Variants in MED13 observed in about 807,000 individuals in gnomAD.
MED13 encodes the protein mediator complex subunit 13, also known as mediator of RNA polymerase II transcription subunit 13.
MED13 carries 23 observed loss-of-function variants against 225.2 expected under a neutral mutation model. The observed-to-expected ratio is 0.10, with a 90% CI of 0.07 to 0.14. The LOEUF is 0.14. Ranked by LOEUF, MED13 falls within the 10% of genes least tolerant of loss-of-function variation. The probability of loss-of-function intolerance (pLI) is 1.00; values close to 1 mark genes in which losing one functional copy is unlikely to be tolerated. For synonymous variants in MED13, 942 were observed against 889.2 expected (o/e 1.06, Z -1.06); for missense variants, 2,197 against 2,594.5 (o/e 0.85, Z 3.33).
At chr17:62,062,942 C>A (rs557288271) in intron 2 of MED13, 125 bp downstream of exon 2, 7 of 628,258 alleles carry the variant, frequency 1.1e-5, no homozygotes, top group African/African-American at 1.8e-5. Context: ...AACAATGAAG[C>A]TGAATTTTTA....
In MED13 at chr17:61,945,477, T is replaced by C. The variant is rs2079845462; in HGVS notation, c.*991A>G. 6.6e-6 allele frequency: 1 copy of C among 152,638 alleles called. No individual in the cohort carries two copies. The highest frequency in any genetic ancestry group is 1.5e-5 in the Non-Finnish European group (1 of 68,040). 9.5% of individuals were successfully genotyped at this position (152,638 alleles called of 1,614,324 possible). A position where few individuals can be genotyped will look rare whatever the true frequency, so the allele number is the denominator to read the frequency against. On this transcript the variant is annotated 3_prime_UTR_variant, in exon 30 of 30. Transcript: ENST00000397786. ...TTAAACACTAAAATTAGTTTAAGCA[T>C]TCAGTAGCAAATGGTTTTTCTTGTA... is the stretch of plus-strand genomic sequence containing the variant.
At chr17:62,021,428 C>G (rs866852854) in intron 8 of MED13, among the ~76,000 whole-genome samples, 1 of 142,842 alleles carries the variant, frequency 7.0e-6, no homozygotes, top group African/African-American at 2.6e-5. Flanking sequence ...CTGACCCCCC[C>G]ACCTCCCTCC....
At chr17:62,006,473 C>G (rs1317689995) in intron 9 of MED13, 1 of 152,150 alleles carries the variant, frequency 6.6e-6, no homozygotes, top group Non-Finnish European at 1.5e-5. Context: ...GCCTTCCCTT[C>G]CAAAAATTCC....
intron 20 of MED13, 73 bp downstream of exon 20, chr17:61,964,931 GTC>G (rs2080041817): frequency 7.2e-7 from 1 of 1,380,920 alleles, no homozygotes; most frequent in East Asian, 2.5e-5. Context: ...GTGAGACTGT[GTC>G]TCAAGAAAAA....
At chr17:61,951,545 C>T (rs1054787420) in intron 27 of MED13, among the ~76,000 whole-genome samples, 6 of 151,860 alleles carry the variant, frequency 4.0e-5, no homozygotes, top group African/African-American at 1.5e-4. Context: ...TGCATGAAAA[C>T]GTTCATTACA....
intron 9 of MED13, 29 bp from the exon 10 acceptor site, chr17:61,995,394 T>C (rs2080338640): frequency 1.3e-6 from 2 of 1,514,694 alleles, no homozygotes. Context: ...AAAAATTAAT[T>C]ATCCACATAA....
At chr17:61,969,244 A>G (rs929815511) in intron 17 of MED13, among the ~76,000 whole-genome samples, 12 of 152,136 alleles carry the variant, frequency 7.9e-5, no homozygotes, top group African/African-American at 2.9e-4. Context: ...AATCCCAGCT[A>G]CTCAGGAGGC....
At position 61,961,750 on chromosome 17, in the gene MED13, A is replaced by C. The variant is rs769011770; in HGVS notation, c.5094T>G (p.Pro1698=). The change falls in exon 22 of 30, where the codon CCT becomes CCG. Residue 1698 remains proline (P), a synonymous_variant. Coordinates refer to ENST00000397786, the MANE Select transcript of MED13 (RefSeq NM_005121.3). ...QIIPCQYLLQ[P]VKHEDREIYP... is the part of the protein sequence containing the mutation. ...AGATTTCTCTATCTTCATGCTTCACAGGTTGCAACAGGTACTGACAAGGAA... is the reference window on the plus strand; with the variant it reads ...AGATTTCTCTATCTTCATGCTTCACCGGTTGCAACAGGTACTGACAAGGAA... 3 of 1,613,880 alleles carry C rather than the reference A, an allele frequency of 1.9e-6. No homozygotes were observed. Among genetic ancestry groups the C allele is most frequent in the Non-Finnish European group, 2.5e-6 (3 of 1,179,938 alleles).
chr17:62,008,439 G>A (rs1323535253), intron 9 of MED13, among the ~76,000 whole-genome samples: 1 of 150,288 alleles, frequency 6.7e-6, no homozygotes, highest in East Asian at 2.0e-4. Context: ...GCTAAGAGAA[G>A]ACCTTAAAAG....
At chr17:61,962,698 GACA>G (rs1389080570) in intron 21 of MED13, 51 bp downstream of exon 21, 7 of 1,505,350 alleles carry the variant, frequency 4.7e-6, no homozygotes, top group South Asian at 2.3e-5. Flanking sequence ...TGAAACTTCT[GACA>G]ACATTAAACT....
At chr17:62,011,702 T>C (rs571801395) in intron 8 of MED13, among the ~76,000 whole-genome samples, 80 of 152,308 alleles carry the variant, frequency 5.3e-4, no homozygotes, top group African/African-American at 1.8e-3. Context: ...TATTCTACTC[T>C]ACTAAATAGA....
chr17:61,979,882 G>A (rs2143445907), intron 16 of MED13, among the ~76,000 whole-genome samples: 1 of 152,210 alleles, frequency 6.6e-6, no homozygotes, highest in East Asian at 1.9e-4. Flanking sequence ...TGATAGAGAT[G>A]ATCACTCTCT....
intron 8 of MED13, among the ~76,000 whole-genome samples, chr17:62,028,812 T>C (rs1415331879): frequency 6.6e-6 from 1 of 151,414 alleles, no homozygotes; most frequent in Non-Finnish European, 1.5e-5. Context: ...GCCACTGCAC[T>C]CCAGACCAGG....
chr17:62,023,186 T>C (rs1244834738), intron 8 of MED13, among the ~76,000 whole-genome samples: 1 of 152,194 alleles, frequency 6.6e-6, no homozygotes, highest in African/African-American at 2.4e-5. Flanking sequence ...TAATTTCTAT[T>C]CATGTAAATT....
At chr17:61,964,878 G>A (rs1038535649) in intron 20 of MED13, 128 bp downstream of exon 20, 4 of 840,368 alleles carry the variant, frequency 4.8e-6, no homozygotes, top group East Asian at 2.7e-5. Context: ...AGAGGTTGCA[G>A]TGAGTGCAGA....
At chr17:62,041,415 T>C (rs2080851301) in intron 3 of MED13, among the ~76,000 whole-genome samples, 1 of 32 alleles carries the variant, frequency 0.031, no homozygotes, top group South Asian at 0.5. Context: ...ACTCATAAAA[T>C]TTTATGAGTA....
intron 11 of MED13, among the ~76,000 whole-genome samples, chr17:61,990,581 G>C (rs2080287506): frequency 6.8e-6 from 1 of 146,884 alleles, no homozygotes; most frequent in African/African-American, 2.6e-5. Context: ...TATATGTATA[G>C]GGTCTCACTA....
At chr17:62,033,699 TTA>T in intron 5 of MED13, 86 bp downstream of exon 5, 2 of 1,241,502 alleles carry the variant, frequency 1.6e-6, no homozygotes, top group African/African-American at 3.0e-5. Flanking sequence ...AGCCACTGAG[TTA>T]TTAGACTTGT....
intron 26 of MED13, among the ~76,000 whole-genome samples, chr17:61,954,171 G>C (rs532240058): frequency 6.6e-6 from 1 of 152,252 alleles, no homozygotes; most frequent in South Asian, 2.1e-4. Context: ...TCTTTATTAA[G>C]TAAAATATTC....
Sources: allele counts gnomAD v4.1 joint callset (sites outside exome capture counted in the v4.1 genomes callset), GRCh38; gene constraint gnomAD v4.1.1; transcripts MANE v1.5; gene names NCBI Gene and HGNC (gene_info 2026-07-23, HGNC 2026-07-21).